FAM167A: variants seen among roughly 807,000 people sequenced by gnomAD.
The protein encoded by FAM167A is protein FAM167A.
FAM167A carries 23 observed loss-of-function variants against 14.9 expected under a neutral mutation model. The ratio of observed to expected loss-of-function variants is 1.55; its 90% confidence interval spans 1.11 to 2.19. The LOEUF (loss-of-function observed/expected upper bound fraction) is 2.19, where lower values mean the gene tolerates loss of function less well. FAM167A is among the 30% of genes most tolerant of loss of function. The pLI, the probability that FAM167A is intolerant of heterozygous loss-of-function variation, is 0.00. For missense variants in FAM167A, 401 were observed against 281.5 expected (o/e 1.42, Z -3.04); for synonymous variants, 174 against 117.7 (o/e 1.48, Z -3.10).
In FAM167A at chr8:11,444,157, CA is replaced by C. The variant is rs1563375779; in HGVS notation, c.254del (p.Leu85ArgfsTer36). On this transcript the variant is annotated frameshift_variant, in exon 2 of 3. Coordinates refer to ENST00000284486, the MANE Select transcript of FAM167A (RefSeq NM_053279.3). LOFTEE classifies it high-confidence loss of function. Reference protein sequence around the residue: ...ERGGQEPLLPLREAGQHPPSA... With the variant: ...ERGGQEPLLPXREAGQHPPSA... Reference sequence around the variant, plus strand: ...AAGGGGGGTGCTGCCCAGCCTCTCTCAGGGGGAGCAAGGGCTCCTGCCCCCC... The same window carrying C: ...AAGGGGGGTGCTGCCCAGCCTCTCTCGGGGGAGCAAGGGCTCCTGCCCCCC... The C allele has an allele frequency of 5.0e-6, 8 of 1,612,994 alleles. No homozygotes were observed. The highest frequency in any genetic ancestry group is 6.8e-6 in the Non-Finnish European group (8 of 1,179,882).
intron 2 of FAM167A, among the ~76,000 whole-genome samples, chr8:11,429,290 T>C (rs951299454): frequency 1.3e-5 from 2 of 152,260 alleles, no homozygotes; most frequent in African/African-American, 4.8e-5. Flanking sequence ...TTTTATAAAT[T>C]AATCTTTTTA....
intron 1 of FAM167A, among the ~76,000 whole-genome samples, chr8:11,462,973 T>G (rs556691176): frequency 1.3e-5 from 2 of 152,184 alleles, no homozygotes; most frequent in South Asian, 2.1e-4. Flanking sequence ...AAAGAGCAGG[T>G]AAAAGAATCC....
chr8:11,444,230 G>C lies in FAM167A; in HGVS notation c.182C>G (p.Pro61Arg), dbSNP rs375358571. Reference sequence around the variant, plus strand: ...CGCCTGTGGCTCCGCAGCCGGCCTCGGGAAGGGCCAGGTATGCTCCTCCAG... The same window carrying C: ...CGCCTGTGGCTCCGCAGCCGGCCTCCGGAAGGGCCAGGTATGCTCCTCCAG... ...ARLEEHTWPFPRPAAEPQASL... is the reference protein window; with the variant it reads ...ARLEEHTWPFRRPAAEPQASL... The change falls in exon 2 of 3, where the codon CCG becomes CGG. Residue 61 changes from proline to arginine, a missense_variant. Physicochemically the swap from Pro to Arg is moderately radical, Grantham distance 103 (BLOSUM62 -2). Transcript: ENST00000284486. 5.6e-6 allele frequency: 9 copies of C among 1,612,062 alleles called. No homozygotes were observed. In the Admixed American group the frequency reaches 1.2e-4, roughly 21 times the overall value.
intron 2 of FAM167A, chr8:11,438,503 G>C (rs1173430731): frequency 4.4e-6 from 2 of 457,180 alleles, no homozygotes; most frequent in African/African-American, 4.0e-5. Context: ...GGAGAGAAGA[G>C]CCTGGTGCTA....
intron 1 of FAM167A, among the ~76,000 whole-genome samples, chr8:11,463,263 G>A (rs980197973): frequency 6.6e-6 from 1 of 152,230 alleles, no homozygotes; most frequent in African/African-American, 2.4e-5. Context: ...CTTTGTGACT[G>A]GAGGGACTTA....
chr8:11,434,972 G>A (rs963275521), intron 2 of FAM167A: 3 of 452,492 alleles, frequency 6.6e-6, no homozygotes, highest in African/African-American at 6.0e-5. Flanking sequence ...ACCCACCCCT[G>A]CATTTGGGTC....
rs878997464 is a variant in FAM167A at position 11,422,373 on chromosome 8, G to GGGTGTGT, written c.*1999_*2000insACACACC. The stretch of plus-strand genomic sequence containing the variant: ...TCTCTGTCGTGTGTGTGTGTGTGGG[G>GGGTGTGT]GTGTGTGTGTGTGTGTGTGTGTGTG... On this transcript the variant is annotated 3_prime_UTR_variant, in exon 3 of 3. Transcript: ENST00000284486. 4,590 of 120,186 alleles carry GGGTGTGT rather than the reference G, an allele frequency of 0.038. 105 individuals carry two copies. The highest frequency in any genetic ancestry group is 0.06 in the Non-Finnish European group (3,301 of 55,238). 7.4% of individuals were successfully genotyped at this position (120,186 alleles called of 1,614,324 possible).
intron 1 of FAM167A, among the ~76,000 whole-genome samples, chr8:11,474,085 G>C (rs1178372131): frequency 6.6e-6 from 1 of 152,128 alleles, no homozygotes; most frequent in Non-Finnish European, 1.5e-5. Flanking sequence ...ATGTTGGCCA[G>C]GCTGATCTTG....
chr8:11,450,971 G>A (rs1395780075), intron 1 of FAM167A, among the ~76,000 whole-genome samples: 2 of 152,226 alleles, frequency 1.3e-5, no homozygotes, highest in South Asian at 2.1e-4. Context: ...GAGTTGGAGG[G>A]GACAGTCTGA....
upstream of FAM167A, among the ~76,000 whole-genome samples, chr8:11,468,550 C>T (rs562528764): frequency 1.3e-5 from 2 of 152,346 alleles, no homozygotes; most frequent in African/African-American, 4.8e-5. Flanking sequence ...GCAGGAGCCT[C>T]AATCTGGACT....
chr8:11,455,878 G>C (rs1807246983), intron 1 of FAM167A, among the ~76,000 whole-genome samples: 1 of 112,018 alleles, frequency 8.9e-6, no homozygotes. Flanking sequence ...GTGAGTGTGG[G>C]GTGGTTGCCT....
At chr8:11,428,847 C>A (rs903581825) in intron 2 of FAM167A, among the ~76,000 whole-genome samples, 4 of 152,140 alleles carry the variant, frequency 2.6e-5, no homozygotes, top group Admixed American at 2.6e-4. Flanking sequence ...ATTAGGAGGT[C>A]ACTCTGCTGT....
At chr8:11,458,749 A>G (rs1057442933) in intron 1 of FAM167A, among the ~76,000 whole-genome samples, 1 of 152,166 alleles carries the variant, frequency 6.6e-6, no homozygotes, top group African/African-American at 2.4e-5. Flanking sequence ...CGTCTGTAGT[A>G]AAAAGGGAAT....
intron 1 of FAM167A, among the ~76,000 whole-genome samples, chr8:11,456,422 G>GTGTGTGAGTGTGAGTGT (rs1807310275): frequency 7.6e-6 from 1 of 131,868 alleles, no homozygotes; most frequent in Non-Finnish European, 1.6e-5. Context: ...TTGCCTTGCT[G>GTGTGTGAGTGTGAGTGT]GGTGTATGAG....
Position 11,444,214 on chromosome 8 carries a change from C to T in FAM167A, c.198G>A (p.Glu66=). The change falls in exon 2 of 3, where the codon GAG becomes GAA. Residue 66 remains glutamate (E), a synonymous_variant. Coordinates refer to ENST00000284486, the MANE Select transcript of FAM167A (RefSeq NM_053279.3). ...CCCCCTCCTCCAAGCTCGCCTGTGGCTCCGCAGCCGGCCTCGGGAAGGGCC... is the reference window on the plus strand; with the variant it reads ...CCCCCTCCTCCAAGCTCGCCTGTGGTTCCGCAGCCGGCCTCGGGAAGGGCC... ...HTWPFPRPAA[E]PQASLEEGER... 6.2e-7 allele frequency: 1 copy of T among 1,612,694 alleles called. No individual in the cohort carries two copies. Among genetic ancestry groups the T allele is most frequent in the Non-Finnish European group, 8.5e-7 (1 of 1,179,816 alleles).
chr8:11,425,327 G>A lies in FAM167A; in HGVS notation c.382-691C>T, dbSNP rs148267680. Reference sequence around the variant, plus strand: ...GAGGAGGACACAGAGGCACAGCCAGGGAATTAGCTGTGTCGGCTCACAAAG... The same window carrying A: ...GAGGAGGACACAGAGGCACAGCCAGAGAATTAGCTGTGTCGGCTCACAAAG... On this transcript the variant is annotated intron_variant, in intron 2 of 2. Transcript: ENST00000284486. Among the ~76,000 whole-genome samples, 605 of 152,270 alleles carry A rather than the reference G, an allele frequency of 4.0e-3. 19 individuals carry two copies. Among genetic ancestry groups the A allele is most frequent in the Admixed American group, 0.037 (564 of 15,298 alleles).
At position 11,422,061 on chromosome 8, in the gene FAM167A, A is replaced by G. The variant is rs1804766791; in HGVS notation, c.*2312T>C. 2.7e-6 allele frequency: 1 copy of G among 376,614 alleles called. No homozygotes were observed. The highest frequency in any genetic ancestry group is 1.5e-4 in the South Asian group (1 of 6,806). The allele number at this position is 376,614 out of a possible 1,614,324, so 23.3% of individuals were successfully genotyped here. The stretch of plus-strand genomic sequence containing the variant: ...TCTCTTAGGATAAACCGAGCAAAAT[A>G]GCTCAGACATTTAACTTATCCCCAA... On this transcript the variant is annotated 3_prime_UTR_variant, in exon 3 of 3. Transcript: ENST00000284486.
chr8:11,470,915 A>AT (rs1807941989), upstream of FAM167A, among the ~76,000 whole-genome samples: 2 of 152,260 alleles, frequency 1.3e-5, no homozygotes, highest in African/African-American at 4.8e-5. Flanking sequence ...ATCTCTCAGA[A>AT]GAGGCTGATT....
intron 1 of FAM167A, 179 bp from the exon 2 acceptor site, chr8:11,444,987 T>C (rs1371733460): frequency 1.5e-6 from 1 of 652,966 alleles, no homozygotes; most frequent in Non-Finnish European, 1.9e-6. Context: ...GCAGAGAAGT[T>C]AATGAGCAAT....
Sources: gnomAD v4.1 joint callset for allele counts (sites outside exome capture counted in the v4.1 genomes callset) on GRCh38, gnomAD v4.1.1 for gene constraint, MANE v1.5 for transcripts, NCBI Gene and HGNC (gene_info 2026-07-23, HGNC 2026-07-21) for gene names.